The following FRMD3 variants were observed in gnomAD, a reference collection of about 807,000 sequenced individuals.
FRMD3 encodes the protein FERM domain containing 3.
A neutral mutation model predicts 70.2 loss-of-function variants in FRMD3; 33 were observed. That is an observed-to-expected ratio of 0.47 (90% CI 0.36 to 0.63). The LOEUF (loss-of-function observed/expected upper bound fraction) is 0.63. FRMD3 is among the 20% of genes least tolerant of loss of function. FRMD3 has a pLI of 0.00. For synonymous variants in FRMD3, 279 were observed against 255.9 expected, an observed-to-expected ratio of 1.09 and a Z score of -0.86; for missense variants, 632 against 711.4, an observed-to-expected ratio of 0.89 and a Z score of 1.27.
chr9:83,335,815 A>G (rs1444171142), intron 5 of FRMD3, among the ~76,000 whole-genome samples, 176 bp from the exon 6 acceptor site: 1 of 152,168 alleles, frequency 6.6e-6, no homozygotes, highest in Admixed American at 6.5e-5. Context: ...TCCAGTTCAG[A>G]TCGAGCTGTG....
At chr9:83,507,683 T>A (rs1488198500) in intron 1 of FRMD3, among the ~76,000 whole-genome samples, 5 of 30,660 alleles carry the variant, frequency 1.6e-4, no homozygotes, top group Non-Finnish European at 2.6e-4. Context: ...CAAAAAAAAA[T>A]ATACATACAT....
chr9:83,315,763 A>G (rs1048937426), intron 6 of FRMD3, among the ~76,000 whole-genome samples: 1 of 152,242 alleles, frequency 6.6e-6, no homozygotes, highest in Non-Finnish European at 1.5e-5. Flanking sequence ...AACATGTATC[A>G]GTAACTTGAC....
intron 1 of FRMD3, among the ~76,000 whole-genome samples, chr9:83,503,054 G>A (rs1268501411): frequency 6.6e-6 from 1 of 152,112 alleles, no homozygotes; most frequent in Non-Finnish European, 1.5e-5. Context: ...TACTGATATT[G>A]GCTGCAAAAG....
chr9:83,521,066 G>A (rs953052415), intron 1 of FRMD3, among the ~76,000 whole-genome samples: 14 of 149,506 alleles, frequency 9.4e-5, no homozygotes, highest in African/African-American at 3.2e-4. Flanking sequence ...TTGAACCTGG[G>A]AGATGGAGGT....
At chr9:83,291,069 G>C (rs1834401584) in intron 12 of FRMD3, among the ~76,000 whole-genome samples, 1 of 152,072 alleles carries the variant, frequency 6.6e-6, no homozygotes. Context: ...CACTGAACTA[G>C]ATATGTAGAA....
At chr9:83,447,994 T>C (rs1827531526) in intron 1 of FRMD3, among the ~76,000 whole-genome samples, 1 of 152,208 alleles carries the variant, frequency 6.6e-6, no homozygotes, top group Non-Finnish European at 1.5e-5. Flanking sequence ...CTTTTTCTCT[T>C]AAGACTCTAC....
intron 1 of FRMD3, among the ~76,000 whole-genome samples, chr9:83,408,070 AG>A (rs79267502): frequency 0.1 from 15,781 of 152,108 alleles, 865 homozygotes; most frequent in Admixed American, 0.14. Flanking sequence ...GTCCAGGCAG[AG>A]GTTGCTTTTC....
chr9:83,584,628 T>C, the FRMD3 span, among the ~76,000 whole-genome samples: 2 of 152,206 alleles, frequency 1.3e-5, no homozygotes, highest in African/African-American at 4.8e-5. Flanking sequence ...CTGTGTCTTA[T>C]GAGATTTCAA....
intron 1 of FRMD3, among the ~76,000 whole-genome samples, chr9:83,514,329 T>G (rs73468276): frequency 0.018 from 2,680 of 152,200 alleles, 71 homozygotes; most frequent in African/African-American, 0.061. Flanking sequence ...CCCCTCACAG[T>G]GTAAACAAAG....
intron 1 of FRMD3, among the ~76,000 whole-genome samples, chr9:83,529,295 AC>A (rs1288879925): frequency 2.0e-5 from 3 of 152,212 alleles, no homozygotes; most frequent in African/African-American, 4.8e-5. Context: ...ATAAAGTTAG[AC>A]CCCTACCTCA....
chr9:83,556,045 T>C, the FRMD3 span, among the ~76,000 whole-genome samples: 1 of 152,172 alleles, frequency 6.6e-6, no homozygotes, highest in Non-Finnish European at 1.5e-5. Flanking sequence ...CAATGCCCAA[T>C]GGACGTTTCC....
rs181529190 is a variant in FRMD3 at position 83,455,265 on chromosome 9, G to T, written c.148-65557C>A. 1.8e-3 allele frequency among the ~76,000 whole-genome samples: 270 copies of T among 152,116 alleles called. 1 individual carries two copies. Among genetic ancestry groups the T allele is most frequent in the African/African-American group, 6.1e-3 (253 of 41,478 alleles). On this transcript the variant is annotated intron_variant, in intron 1 of 13. Transcript: ENST00000304195. Reference sequence around the variant, plus strand: ...GCCACATATCCCTAAGCAATATGTGGCTTGACATGTTTTTAAATTGTATAT... The same window carrying T: ...GCCACATATCCCTAAGCAATATGTGTCTTGACATGTTTTTAAATTGTATAT...
chr9:83,472,796 C>T (rs1449497685), intron 1 of FRMD3, among the ~76,000 whole-genome samples: 4 of 152,080 alleles, frequency 2.6e-5, no homozygotes, highest in African/African-American at 9.7e-5. Flanking sequence ...GGGGTTATTT[C>T]TAAATTTCTC....
chr9:83,569,314 T>C, the FRMD3 span, among the ~76,000 whole-genome samples: 7 of 152,246 alleles, frequency 4.6e-5, no homozygotes, highest in Non-Finnish European at 1.5e-5. Context: ...TTAGATGGAC[T>C]GGAAAACTTC....
At chr9:83,327,167 G>A (rs1301930343) in intron 6 of FRMD3, among the ~76,000 whole-genome samples, 1 of 152,206 alleles carries the variant, frequency 6.6e-6, no homozygotes, top group Non-Finnish European at 1.5e-5. Context: ...AAACCTATGG[G>A]CAGAAGAGCA....
At chr9:83,504,940 C>A (rs540859283) in intron 1 of FRMD3, among the ~76,000 whole-genome samples, 1 of 152,242 alleles carries the variant, frequency 6.6e-6, no homozygotes, top group South Asian at 2.1e-4. Context: ...GTTGGGTCCT[C>A]AGATTGGGTC....
rs190779615 is a variant in FRMD3 at position 83,322,381 on chromosome 9, G to A, written c.597-8634C>T. Reference sequence around the variant, plus strand: ...TCTCTCCCAGGCAAGCAGTGTGGACGAGAAGCTGTGGAGAGTGCAGCCCAC... The same window carrying A: ...TCTCTCCCAGGCAAGCAGTGTGGACAAGAAGCTGTGGAGAGTGCAGCCCAC... On this transcript the variant is annotated intron_variant, in intron 6 of 13. Transcript: ENST00000304195. 9.2e-5 allele frequency among the ~76,000 whole-genome samples: 14 copies of A among 152,090 alleles called. No homozygotes were observed. The East Asian group carries it at 2.3e-3, about 25-fold the overall frequency.
intron 3 of FRMD3, among the ~76,000 whole-genome samples, chr9:83,360,722 A>G (rs1264477002): frequency 6.6e-6 from 1 of 152,178 alleles, no homozygotes; most frequent in Non-Finnish European, 1.5e-5. Flanking sequence ...ACTGCACCCA[A>G]TCAAAATGAT....
chr9:83,564,390 A>T, the FRMD3 span, among the ~76,000 whole-genome samples: 2 of 152,184 alleles, frequency 1.3e-5, no homozygotes, highest in African/African-American at 4.8e-5. Flanking sequence ...AGCTCTAGGG[A>T]AGTCACCAAT....
Sources: allele counts gnomAD v4.1 joint callset (sites outside exome capture counted in the v4.1 genomes callset), GRCh38; gene constraint gnomAD v4.1.1; transcripts MANE v1.5; gene names NCBI Gene and HGNC (gene_info 2026-07-23, HGNC 2026-07-21).